Variants in CCDC85A observed in about 807,000 individuals in gnomAD.
CCDC85A encodes the protein coiled-coil domain containing 85A.
In CCDC85A, 38 loss-of-function variants were observed where a neutral mutation model predicts 50.2. The observed-to-expected ratio is 0.76, with a 90% CI of 0.58 to 0.99. CCDC85A has a LOEUF of 0.99. Among genes scored for constraint, CCDC85A ranks in the 50% least tolerant of loss-of-function variants. The pLI is 0.00. For missense variants in CCDC85A, 820 were observed against 742.0 expected, an observed-to-expected ratio of 1.11 and a Z score of -1.22; for synonymous variants, 366 against 301.4, an observed-to-expected ratio of 1.21 and a Z score of -2.22.
chr2:56,362,588 G>T (rs940434908), intron 3 of CCDC85A, among the ~76,000 whole-genome samples: 1 of 151,394 alleles, frequency 6.6e-6, no homozygotes, highest in Non-Finnish European at 1.5e-5. Context: ...GACCCAATTA[G>T]CTTTTTTTTT....
intron 3 of CCDC85A, among the ~76,000 whole-genome samples, chr2:56,369,917 G>A (rs1675989893): frequency 6.6e-6 from 1 of 152,094 alleles, no homozygotes; most frequent in African/African-American, 2.4e-5. Flanking sequence ...TACAGTTATA[G>A]CGAAACTTAA....
rs1047552361 is a variant in CCDC85A at position 56,184,698 on chromosome 2, C to G, written c.74C>G (p.Ser25Trp). 2.6e-6 allele frequency: 4 copies of G among 1,524,754 alleles called. No individual in the cohort carries two copies. The African/African-American group carries it at 4.3e-5, about 16-fold the overall frequency. 94.5% of individuals were successfully genotyped at this position (1,524,754 alleles called of 1,614,324 possible). A position where few individuals can be genotyped will look rare whatever the true frequency, so the allele number is the denominator to read the frequency against. ...AGTTGTTCCCCAGCCCCGGCCGGCT[C>G]GTCCGCGGCCCCGCCCGCGCCGGTG... ...AESCSPAPAG[S>W]SAAPPAPVED... Residue 25 changes from serine to tryptophan, a missense_variant, in exon 1 of 6, where the codon TCG becomes TGG. Physicochemically the swap from Ser to Trp is radical, Grantham distance 177. Coordinates refer to ENST00000407595, the MANE Select transcript of CCDC85A (RefSeq NM_001080433.2).
intron 3 of CCDC85A, among the ~76,000 whole-genome samples, chr2:56,366,729 G>C (rs1299708531): frequency 6.6e-6 from 1 of 152,110 alleles, no homozygotes; most frequent in Non-Finnish European, 1.5e-5. Context: ...CGTGGTAGGA[G>C]CTTAGTGATT....
chr2:56,326,717 A>C (rs1220921504), intron 2 of CCDC85A, among the ~76,000 whole-genome samples: 1 of 152,192 alleles, frequency 6.6e-6, no homozygotes, highest in Non-Finnish European at 1.5e-5. Flanking sequence ...AGTTTTATCA[A>C]ATAAAATGCT....
In CCDC85A at chr2:56,184,478, C is replaced by G; in HGVS notation, c.-147C>G. The G allele has an allele frequency of 1.1e-6, 1 of 927,712 alleles. No individual in the cohort carries two copies. The allele number at this position is 927,712 out of a possible 1,614,324, so 57.5% of individuals were successfully genotyped here. On this transcript the variant is annotated 5_prime_UTR_variant, in exon 1 of 6. Transcript: ENST00000407595. ...TAGGATGGCCACCCAGCGCGACCCC[C>G]GCCGCCCCAACCCAGCGGCCCCTGG...
Position 56,184,188 on chromosome 2 carries a change from A to C in CCDC85A, c.-437A>C. On this transcript the variant is annotated 5_prime_UTR_variant, in exon 1 of 6. Coordinates refer to ENST00000407595, the MANE Select transcript of CCDC85A (RefSeq NM_001080433.2). ...GAGAAGCCGGGGGCTGCAGCTGGGC[A>C]AGGGGGAGGAAAGTGCGTGTGCGTG... is the stretch of plus-strand genomic sequence containing the variant. The C allele has an allele frequency of 1.0e-6, 1 of 987,380 alleles. No individual in the cohort carries two copies. The highest frequency in any genetic ancestry group is 1.2e-6 in the Non-Finnish European group (1 of 831,414). The allele number at this position is 987,380 out of a possible 1,614,324, so 61.2% of individuals were successfully genotyped here.
At chr2:56,194,142 T>G (rs1037779458) in intron 2 of CCDC85A, among the ~76,000 whole-genome samples, 1 of 152,226 alleles carries the variant, frequency 6.6e-6, no homozygotes, top group African/African-American at 2.4e-5. Context: ...TATGCTGTCT[T>G]ACACTGCAAG....
At chr2:56,376,391 C>T (rs1676339036) in intron 5 of CCDC85A, among the ~76,000 whole-genome samples, 1 of 152,104 alleles carries the variant, frequency 6.6e-6, no homozygotes, top group Admixed American at 6.6e-5. Context: ...TAAATAAAAA[C>T]CTACTCTTTC....
At chr2:56,282,145 A>G (rs553816461) in intron 2 of CCDC85A, among the ~76,000 whole-genome samples, 15 of 152,096 alleles carry the variant, frequency 9.9e-5, no homozygotes, top group Middle Eastern at 3.4e-3. Flanking sequence ...TTTTATGGAT[A>G]TCGAGGTACA....
intron 5 of CCDC85A, among the ~76,000 whole-genome samples, chr2:56,378,864 C>A (rs939503841): frequency 6.6e-6 from 1 of 152,112 alleles, no homozygotes; most frequent in Non-Finnish European, 1.5e-5. Context: ...GGTGTGGATT[C>A]TATAGGAACT....
intron 2 of CCDC85A, among the ~76,000 whole-genome samples, chr2:56,316,143 A>T (rs1672911114): frequency 6.6e-6 from 1 of 152,140 alleles, no homozygotes; most frequent in African/African-American, 2.4e-5. Context: ...GGGTTAGTTA[A>T]CAGCTGAGAT....
chr2:56,282,260 T>C (rs1253103777), intron 2 of CCDC85A, among the ~76,000 whole-genome samples: 1 of 151,712 alleles, frequency 6.6e-6, no homozygotes, highest in African/African-American at 2.4e-5. Context: ...TCTGTTGTTA[T>C]GTTTGTCTGT....
intron 3 of CCDC85A, among the ~76,000 whole-genome samples, chr2:56,367,618 A>C (rs1046852888): frequency 1.3e-5 from 2 of 152,104 alleles, no homozygotes; most frequent in African/African-American, 4.8e-5. Flanking sequence ...CTACCCACTA[A>C]ATGCCAGTAG....
At chr2:56,259,499 T>C (rs1670131926) in intron 2 of CCDC85A, among the ~76,000 whole-genome samples, 1 of 152,166 alleles carries the variant, frequency 6.6e-6, no homozygotes, top group Admixed American at 6.5e-5. Context: ...TTCCAGTCCA[T>C]GGTGGGTGAA....
At chr2:56,241,518 A>G (rs543381607) in intron 2 of CCDC85A, among the ~76,000 whole-genome samples, 2 of 150,930 alleles carry the variant, frequency 1.3e-5, no homozygotes, top group Non-Finnish European at 1.5e-5. Context: ...CCATTGTTCT[A>G]TTCTGTGTCT....
chr2:56,340,422 G>A lies in CCDC85A; in HGVS notation c.1241-2457G>A, dbSNP rs572213321. 7.2e-5 allele frequency among the ~76,000 whole-genome samples: 11 copies of A among 152,258 alleles called. 1 individual carries two copies. In the East Asian group the frequency reaches 2.1e-3, roughly 29 times the overall value. On this transcript the variant is annotated intron_variant, in intron 2 of 5. Transcript: ENST00000407595. ...TGAGGCTGAAGAACATGAACACTGA[G>A]GAGGTTGTTCTGCTTCAATATTAAC...
At chr2:56,217,174 T>C (rs1668092930) in intron 2 of CCDC85A, among the ~76,000 whole-genome samples, 1 of 151,980 alleles carries the variant, frequency 6.6e-6, no homozygotes, top group Admixed American at 6.6e-5. Flanking sequence ...CATGATATTC[T>C]GTGACTTTTT....
intron 1 of CCDC85A, among the ~76,000 whole-genome samples, chr2:56,190,106 A>G (rs555551408): frequency 1.0e-3 from 153 of 152,290 alleles, no homozygotes; most frequent in African/African-American, 3.4e-3. Flanking sequence ...GTGTTTTATA[A>G]TTTGTTTTTT....
At chr2:56,218,560 T>C (rs1400863060) in intron 2 of CCDC85A, among the ~76,000 whole-genome samples, 2 of 151,922 alleles carry the variant, frequency 1.3e-5, no homozygotes, top group African/African-American at 4.8e-5. Flanking sequence ...AAGGTAATAA[T>C]CACCAACTTT....
Sources: allele counts gnomAD v4.1 joint callset (sites outside exome capture counted in the v4.1 genomes callset), GRCh38; gene constraint gnomAD v4.1.1; transcripts MANE v1.5; gene names NCBI Gene and HGNC (gene_info 2026-07-23, HGNC 2026-07-21).